MTMR7: variants seen among roughly 807,000 people sequenced by gnomAD.
MTMR7 encodes the protein phosphatidylinositol-3-phosphate phosphatase MTMR7.
Under a neutral mutation model 81.2 loss-of-function variants are expected in MTMR7, and 76 were observed. That is an observed-to-expected ratio of 0.94 (90% confidence interval 0.78 to 1.13). The LOEUF (loss-of-function observed/expected upper bound fraction) is 1.13, where lower values mean the gene tolerates loss of function less well. Ranked by LOEUF, MTMR7 falls within the 50% of genes most tolerant of loss-of-function variation. MTMR7 has a pLI of 0.00. For synonymous variants in MTMR7, 372 were observed against 289.8 expected, an observed-to-expected ratio of 1.28 and a Z score of -2.88; for missense variants, 1,044 against 820.0, an observed-to-expected ratio of 1.27 and a Z score of -3.34.
intron 11 of MTMR7, among the ~76,000 whole-genome samples, chr8:17,304,789 A>G (rs1479949948): frequency 8.5e-6 from 1 of 117,836 alleles, no homozygotes; most frequent in Admixed American, 8.0e-5. Flanking sequence ...TTTTGGGGGG[A>G]GTTTTTTCCC....
intron 5 of MTMR7, among the ~76,000 whole-genome samples, chr8:17,347,978 G>A (rs918274961): frequency 6.6e-6 from 1 of 152,144 alleles, no homozygotes; most frequent in African/African-American, 2.4e-5. Context: ...AAATCCAGGT[G>A]GTGGTAGAGC....
chr8:17,320,185 C>T (rs1818311919), intron 7 of MTMR7, among the ~76,000 whole-genome samples: 1 of 151,744 alleles, frequency 6.6e-6, no homozygotes, highest in Non-Finnish European at 1.5e-5. Flanking sequence ...TTAATGTGGC[C>T]ACCAGAAAGT....
chr8:17,385,868 C>A (rs1370093196), intron 1 of MTMR7, among the ~76,000 whole-genome samples: 1 of 152,192 alleles, frequency 6.6e-6, no homozygotes, highest in African/African-American at 2.4e-5. Flanking sequence ...GCCAATTAAA[C>A]CTCTTTTCTT....
At chr8:17,368,083 G>T (rs1018303985) in intron 3 of MTMR7, among the ~76,000 whole-genome samples, 35 of 152,146 alleles carry the variant, frequency 2.3e-4, no homozygotes, top group African/African-American at 8.4e-4. Flanking sequence ...CTGTGGATGG[G>T]GGTGTGGGGT....
At chr8:17,328,536 T>G (rs1237541143) in intron 7 of MTMR7, among the ~76,000 whole-genome samples, 6 of 150,472 alleles carry the variant, frequency 4.0e-5, no homozygotes, top group African/African-American at 1.5e-4. Flanking sequence ...TGGCCACACG[T>G]AGGGGAATAA....
In MTMR7 at chr8:17,400,978, G is replaced by T. The variant is rs556305160; in HGVS notation, c.24+12291C>A. 2.4e-4 allele frequency among the ~76,000 whole-genome samples: 37 copies of T among 152,144 alleles called. 1 individual carries two copies. In the South Asian group the frequency reaches 7.5e-3, roughly 31 times the overall value. ...TCTGGTGGTCTTGCATGGAGGCTTG[G>T]GTGTACAGAACACACGGTCTGTTAT... On this transcript the variant is annotated intron_variant, in intron 1 of 13. Coordinates refer to ENST00000180173, the MANE Select transcript of MTMR7 (RefSeq NM_004686.5).
intron 7 of MTMR7, among the ~76,000 whole-genome samples, chr8:17,317,868 C>A (rs1449446769): frequency 3.3e-5 from 5 of 152,032 alleles, no homozygotes; most frequent in Non-Finnish European, 7.4e-5. Context: ...ATTTTTGTTT[C>A]CATGACCTCC....
chr8:17,337,044 C>T (rs771791221), intron 6 of MTMR7, among the ~76,000 whole-genome samples: 19 of 152,146 alleles, frequency 1.2e-4, no homozygotes, highest in Non-Finnish European at 2.4e-4. Context: ...ACAAAACCCT[C>T]CTAACTTGCC....
At chr8:17,383,019 C>T (rs565511973) in intron 1 of MTMR7, among the ~76,000 whole-genome samples, 9 of 147,866 alleles carry the variant, frequency 6.1e-5, no homozygotes, top group Non-Finnish European at 1.0e-4. Flanking sequence ...GGTGTTCCTC[C>T]GAGATATGGG....
chr8:17,337,197 T>C (rs1256037231), intron 6 of MTMR7, among the ~76,000 whole-genome samples: 1 of 151,960 alleles, frequency 6.6e-6, no homozygotes, highest in Non-Finnish European at 1.5e-5. Flanking sequence ...ACCCCGTCTC[T>C]ACTAAAAATA....
At chr8:17,398,749 T>C (rs1821332815) in intron 1 of MTMR7, among the ~76,000 whole-genome samples, 1 of 152,072 alleles carries the variant, frequency 6.6e-6, no homozygotes, top group Non-Finnish European at 1.5e-5. Flanking sequence ...CAATAAAAAA[T>C]GGTAACTACA....
chr8:17,361,575 G>A (rs1163422589), intron 3 of MTMR7, among the ~76,000 whole-genome samples: 4 of 152,074 alleles, frequency 2.6e-5, no homozygotes, highest in Admixed American at 2.6e-4. Context: ...ATATTTTCCA[G>A]ACCACATCAA....
rs2150570777 is a variant in MTMR7, at chr8:17,379,052, G to A, written c.25-5812C>T. 2.0e-5 allele frequency among the ~76,000 whole-genome samples: 3 copies of A among 152,292 alleles called. No homozygotes were observed. The South Asian group carries it at 6.2e-4, about 32-fold the overall frequency. ...GAAACAAAGAAATGGACAGGCAGGA[G>A]GACAATCAGGAGATTCTGCTATCAA... On this transcript the variant is annotated intron_variant, in intron 1 of 13. Transcript: ENST00000180173.
At chr8:17,407,214 AAG>A (rs1188566634) in intron 1 of MTMR7, among the ~76,000 whole-genome samples, 5 of 152,180 alleles carry the variant, frequency 3.3e-5, no homozygotes, top group Non-Finnish European at 7.4e-5. Flanking sequence ...ATAATTCAAA[AAG>A]TAACAAAATG....
intron 6 of MTMR7, among the ~76,000 whole-genome samples, chr8:17,333,351 C>G (rs538917540): frequency 6.6e-6 from 1 of 152,092 alleles, no homozygotes; most frequent in South Asian, 2.1e-4. Flanking sequence ...ATTGTTCTTC[C>G]AAAACTAATA....
intron 7 of MTMR7, among the ~76,000 whole-genome samples, chr8:17,323,652 G>A (rs916845102): frequency 1.3e-5 from 2 of 152,068 alleles, no homozygotes; most frequent in African/African-American, 4.8e-5. Context: ...CCGCAGGGGT[G>A]GGGGGTCATT....
chr8:17,401,083 G>C (rs1821414700), intron 1 of MTMR7, among the ~76,000 whole-genome samples: 1 of 152,026 alleles, frequency 6.6e-6, no homozygotes, highest in South Asian at 2.1e-4. Context: ...CAATTCGGGG[G>C]ATACGGAATG....
chr8:17,410,945 G>C (rs973083785), intron 1 of MTMR7, among the ~76,000 whole-genome samples: 3 of 152,044 alleles, frequency 2.0e-5, no homozygotes, highest in Non-Finnish European at 4.4e-5. Flanking sequence ...TACACTCCTT[G>C]CAAACCCAAG....
chr8:17,309,253 A>C, intron 10 of MTMR7, 24 bp downstream of exon 10: 2 of 1,435,636 alleles, frequency 1.4e-6, no homozygotes, highest in East Asian at 2.3e-5. Flanking sequence ...CTAAACATTC[A>C]AAACAGTCTT....
Sources: allele counts gnomAD v4.1 joint callset (sites outside exome capture counted in the v4.1 genomes callset), GRCh38; gene constraint gnomAD v4.1.1; transcripts MANE v1.5; gene names NCBI Gene and HGNC (gene_info 2026-07-23, HGNC 2026-07-21).